The following SPON1 variants were observed in gnomAD, a reference collection of about 807,000 sequenced individuals.
The protein encoded by SPON1 is spondin-1.
SPON1 carries 52 observed loss-of-function variants against 111.7 expected under a neutral mutation model. The ratio of observed to expected loss-of-function variants is 0.47; its 90% CI spans 0.37 to 0.59. SPON1 has a LOEUF of 0.59. Among genes scored for constraint, SPON1 ranks in the 20% least tolerant of loss-of-function variants. The pLI is 0.00. For missense variants in SPON1, 957 were observed against 1,068.5 expected (o/e 0.90, Z 1.46); for synonymous variants, 410 against 395.8 (o/e 1.04, Z -0.43).
At chr11:14,074,346 C>G (rs1214506908) in intron 3 of SPON1, among the ~76,000 whole-genome samples, 2 of 152,184 alleles carry the variant, frequency 1.3e-5, no homozygotes, top group Non-Finnish European at 2.9e-5. Flanking sequence ...AAGATTGCCT[C>G]TGTACTCTGT....
Position 14,253,560 on chromosome 11 carries a change from G to A in SPON1, c.891-968G>A, listed in dbSNP as rs371927596. ...TGCTTTCTGGTGCCAGGTGAGGGCA[G>A]CCAGAAGCAGCTGGTCCCAACAGAG... On this transcript the variant is annotated intron_variant, in intron 7 of 15. Transcript: ENST00000576479. 1.1e-4 allele frequency among the ~76,000 whole-genome samples: 17 copies of A among 152,384 alleles called. No homozygotes were observed. In the South Asian group the frequency reaches 3.5e-3, roughly 32 times the overall value.
At position 14,001,375 on chromosome 11, in the gene SPON1, A is replaced by G. The variant is rs568094246; in HGVS notation, c.345+18422A>G. ...ATCTCCTCCAGCTTGAGGCATGGGA[A>G]GGGAAAAAGAACCTTTTTGAAATCT... On this transcript the variant is annotated intron_variant, in intron 2 of 15. Coordinates refer to ENST00000576479, the MANE Select transcript of SPON1 (RefSeq NM_006108.4). 1.2e-4 allele frequency among the ~76,000 whole-genome samples: 18 copies of G among 152,302 alleles called. No homozygotes were observed. In the South Asian group the frequency reaches 3.3e-3, roughly 28 times the overall value.
At chr11:14,044,979 T>C (rs1176660108) in intron 3 of SPON1, among the ~76,000 whole-genome samples, 1 of 152,214 alleles carries the variant, frequency 6.6e-6, no homozygotes, top group Non-Finnish European at 1.5e-5. Context: ...CTATGACAAA[T>C]AATGTTATGA....
At chr11:14,203,584 G>A (rs1435236976) in intron 6 of SPON1, among the ~76,000 whole-genome samples, 3 of 152,222 alleles carry the variant, frequency 2.0e-5, no homozygotes, top group Non-Finnish European at 2.9e-5. Flanking sequence ...GACAGATGGA[G>A]ACTTTGAGCT....
intron 6 of SPON1, among the ~76,000 whole-genome samples, chr11:14,205,011 C>G (rs972600767): frequency 6.6e-6 from 1 of 152,182 alleles, no homozygotes; most frequent in East Asian, 1.9e-4. Context: ...TTTATCCTGT[C>G]TTCCTCTTAG....
intron 9 of SPON1, 92 bp downstream of exon 9, chr11:14,255,879 C>A: frequency 7.3e-7 from 1 of 1,366,246 alleles, no homozygotes; most frequent in South Asian, 1.5e-5. Flanking sequence ...CATAGAGTCA[C>A]TGGCAGAAAG....
At chr11:14,090,607 G>A (rs1849043130) in intron 5 of SPON1, among the ~76,000 whole-genome samples, 1 of 152,062 alleles carries the variant, frequency 6.6e-6, no homozygotes, top group Non-Finnish European at 1.5e-5. Context: ...GTCTGGAGTT[G>A]TTCGTTCCTC....
At chr11:14,061,128 A>G (rs1591364722) in intron 3 of SPON1, among the ~76,000 whole-genome samples, 1 of 152,228 alleles carries the variant, frequency 6.6e-6, no homozygotes, top group East Asian at 1.9e-4. Context: ...AATTTGTGGG[A>G]CAGAAAACTG....
intron 6 of SPON1, among the ~76,000 whole-genome samples, chr11:14,240,032 C>T (rs935285671): frequency 1.3e-5 from 2 of 152,132 alleles, no homozygotes; most frequent in African/African-American, 2.4e-5. Context: ...GATGTATGAG[C>T]AAATAAATAC....
chr11:14,166,472 G>A (rs1162091506), intron 6 of SPON1, among the ~76,000 whole-genome samples: 1 of 152,110 alleles, frequency 6.6e-6, no homozygotes, highest in Non-Finnish European at 1.5e-5. Flanking sequence ...CTCTCCATGA[G>A]AGTCCTAGAA....
chr11:14,246,335 A>G (rs1197274014), intron 7 of SPON1, among the ~76,000 whole-genome samples: 2 of 152,112 alleles, frequency 1.3e-5, no homozygotes, highest in Non-Finnish European at 2.9e-5. Context: ...CCTAATAACC[A>G]TGAGGTAGGT....
intron 2 of SPON1, among the ~76,000 whole-genome samples, chr11:14,007,812 G>A (rs558299296): frequency 2.0e-5 from 3 of 152,150 alleles, no homozygotes; most frequent in African/African-American, 7.2e-5. Flanking sequence ...GCCTCTTGCG[G>A]CTTCTGGTGA....
rs117460787 is a variant in SPON1 at position 14,265,574 on chromosome 11, G to A, written c.2311G>A (p.Gly771Arg). 1.4e-3 allele frequency: 2,315 copies of A among 1,613,654 alleles called. 2 individuals carry two copies. Among genetic ancestry groups the A allele is most frequent in the Non-Finnish European group, 1.7e-3 (2,012 of 1,179,788 alleles). ...TAWSECTKLC[G>R]GGIQERYMTV... Reference sequence around the variant, plus strand: ...CTGGTCAGAATGCACCAAACTGTGCGGAGGTGGAATTCAGGAACGTTACAT... The same window carrying A: ...CTGGTCAGAATGCACCAAACTGTGCAGAGGTGGAATTCAGGAACGTTACAT... The change falls in exon 16 of 16, where the codon GGA becomes AGA. Residue 771 changes from glycine (G) to arginine (R), a missense_variant. By Grantham distance (125) the Gly-to-Arg change is moderately radical. This residue lies in a region of SPON1 where 549 missense variants were observed against 606.2 expected (regional missense o/e 0.91). Transcript: ENST00000576479.
At chr11:13,997,960 G>A (rs1224972677) in intron 2 of SPON1, among the ~76,000 whole-genome samples, 6 of 151,944 alleles carry the variant, frequency 3.9e-5, no homozygotes, top group Non-Finnish European at 7.4e-5. Flanking sequence ...TAGTTGCTTC[G>A]TATACTTTAA....
chr11:14,215,584 G>A lies in SPON1; in HGVS notation c.826-27748G>A, dbSNP rs532582956. Among the ~76,000 whole-genome samples, 7 of 152,226 alleles carry A rather than the reference G, an allele frequency of 4.6e-5. No homozygotes were observed. The South Asian group carries it at 6.3e-4, about 14-fold the overall frequency. ...TGGAAGCTGCCAGTGTCTTAAGGCC[G>A]GGGCCCAGAAACTGGCCAAAGCAGT... On this transcript the variant is annotated intron_variant, in intron 6 of 15. Coordinates refer to ENST00000576479, the MANE Select transcript of SPON1 (RefSeq NM_006108.4).
In SPON1 at chr11:14,262,850, G is replaced by A. The variant is rs148033537; in HGVS notation, c.2135G>A (p.Arg712Gln). 45 of 1,613,580 alleles carry A rather than the reference G, an allele frequency of 2.8e-5. No homozygotes were observed. Among genetic ancestry groups the A allele is most frequent in the African/African-American group, 6.7e-5 (5 of 74,828 alleles). ...GGAPCPETVQ[R>Q]KKCRIRKCLR... ...GCACCCTGCCCAGAGACTGTGCAGC[G>A]AAAAAAGTGCCGCATCCGAAAATGC... Residue 712 changes from arginine to glutamine, a missense_variant, in exon 15 of 16, where the codon CGA becomes CAA. Transcript: ENST00000576479.
chr11:14,154,650 A>G (rs1259101779), intron 6 of SPON1, among the ~76,000 whole-genome samples: 3 of 152,166 alleles, frequency 2.0e-5, no homozygotes, highest in African/African-American at 7.2e-5. Flanking sequence ...GGCTACTAAC[A>G]TTTGGCTTCT....
intron 2 of SPON1, among the ~76,000 whole-genome samples, chr11:14,035,554 T>C (rs1848587901): frequency 6.6e-6 from 1 of 151,454 alleles, no homozygotes; most frequent in Admixed American, 6.6e-5. Context: ...ACACATATTG[T>C]GGCCAAGTCA....
At chr11:14,071,193 G>A (rs1848873010) in intron 3 of SPON1, among the ~76,000 whole-genome samples, 1 of 152,002 alleles carries the variant, frequency 6.6e-6, no homozygotes, top group Admixed American at 6.6e-5. Flanking sequence ...TAGTTTTGAT[G>A]GGAATAGACT....
Sources: allele counts gnomAD v4.1 joint callset (sites outside exome capture counted in the v4.1 genomes callset), GRCh38; gene constraint gnomAD v4.1.1; regional missense constraint gnomAD v4.1.1; transcripts MANE v1.5; gene names NCBI Gene and HGNC (gene_info 2026-07-23, HGNC 2026-07-21).